RIOK3: variants seen among roughly 807,000 people sequenced by gnomAD.
RIOK3 encodes serine/threonine-protein kinase RIO3.
A neutral mutation model predicts 63.5 loss-of-function variants in RIOK3; 40 were observed. The ratio of observed to expected loss-of-function variants is 0.63; its 90% CI spans 0.49 to 0.82. The LOEUF is 0.82. RIOK3 is among the 40% of genes least tolerant of loss of function. RIOK3 has a pLI of 0.00. For synonymous variants in RIOK3, 193 were observed against 205.0 expected, an observed-to-expected ratio of 0.94 and a Z score of 0.50; for missense variants, 557 against 637.0, an observed-to-expected ratio of 0.87 and a Z score of 1.35.
chr18:23,453,532 C>T (rs993592932), intron 1 of RIOK3, 30 bp downstream of exon 1: 1 of 1,559,370 alleles, frequency 6.4e-7, no homozygotes, highest in African/African-American at 1.4e-5. Flanking sequence ...GGAGTACTAG[C>T]CTTGGTCACA....
chr18:23,472,570 A>G (rs1301802237), intron 7 of RIOK3, among the ~76,000 whole-genome samples: 1 of 152,154 alleles, frequency 6.6e-6, no homozygotes, highest in East Asian at 1.9e-4. Flanking sequence ...GGACTATTGC[A>G]GTAGCATCCT....
At chr18:23,467,313 TC>T in intron 6 of RIOK3, 85 bp from the exon 7 acceptor site, 1 of 1,246,756 alleles carries the variant, frequency 8.0e-7, no homozygotes. Context: ...AGACTCCGTC[TC>T]AAAAAAAAAA....
At chr18:23,458,630 G>C (rs1374099967) in intron 1 of RIOK3, among the ~76,000 whole-genome samples, 1 of 152,212 alleles carries the variant, frequency 6.6e-6, no homozygotes, top group Admixed American at 6.5e-5. Flanking sequence ...GCAAGATTAT[G>C]GAGGGCGTTT....
chr18:23,478,145 C>T (rs909322822), intron 11 of RIOK3, among the ~76,000 whole-genome samples: 1 of 151,526 alleles, frequency 6.6e-6, no homozygotes, highest in Non-Finnish European at 1.5e-5. Context: ...GTCGAGTAGA[C>T]ATTTAATGTG....
At chr18:23,480,561 A>G (rs1010908546) in intron 12 of RIOK3, among the ~76,000 whole-genome samples, 8 of 133,008 alleles carry the variant, frequency 6.0e-5, no homozygotes, top group East Asian at 2.0e-4. Context: ...GCACGCACAC[A>G]CACACACACA....
At chr18:23,467,625 G>A in intron 7 of RIOK3, 99 bp downstream of exon 7, 1 of 1,191,908 alleles carries the variant, frequency 8.4e-7, no homozygotes, top group Non-Finnish European at 1.2e-6. Flanking sequence ...TGCATGGCAA[G>A]CAGAGTAATT....
rs573249636 is a variant in RIOK3 at position 23,474,270 on chromosome 18, G to A, written c.1013+644G>A. ...AATAAGCCAGGCATGGTGTGCACGTGTACTCCCAGCTACTTGGGAGGCTGA... is the reference window on the plus strand; with the variant it reads ...AATAAGCCAGGCATGGTGTGCACGTATACTCCCAGCTACTTGGGAGGCTGA... On this transcript the variant is annotated intron_variant, in intron 8 of 12. Transcript: ENST00000339486. Among the ~76,000 whole-genome samples the A allele has an allele frequency of 4.6e-5, 7 of 152,158 alleles. 1 individual carries two copies. In the East Asian group the frequency reaches 1.2e-3, roughly 25 times the overall value.
At chr18:23,476,954 A>G in intron 9 of RIOK3, 52 bp from the exon 10 acceptor site, 1 of 1,481,968 alleles carries the variant, frequency 6.7e-7, no homozygotes, top group South Asian at 1.1e-5. Flanking sequence ...TGTCATCATC[A>G]ATAATACCAC....
chr18:23,459,037 T>C (rs182710801), intron 1 of RIOK3, among the ~76,000 whole-genome samples: 2 of 152,118 alleles, frequency 1.3e-5, no homozygotes, highest in Admixed American at 1.3e-4. Flanking sequence ...TCAGTAGGAG[T>C]GGACAGCAAG....
chr18:23,470,111 AAG>A (rs2057446042), intron 7 of RIOK3, among the ~76,000 whole-genome samples: 1 of 152,132 alleles, frequency 6.6e-6, no homozygotes, highest in Admixed American at 6.6e-5. Flanking sequence ...AGGTTAAAAA[AAG>A]AAATCCGTTG....
chr18:23,459,735 A>G (rs2057362486), intron 1 of RIOK3, among the ~76,000 whole-genome samples: 1 of 152,134 alleles, frequency 6.6e-6, no homozygotes, highest in East Asian at 1.9e-4. Context: ...AAGTGGCGCA[A>G]TCTTGGCTCA....
chr18:23,453,653 C>G, intron 1 of RIOK3, 151 bp downstream of exon 1: 4 of 704,786 alleles, frequency 5.7e-6, no homozygotes, highest in South Asian at 1.6e-5. Context: ...GCGGGGGTGC[C>G]GGGATGGGGA....
At chr18:23,471,596 C>T (rs1225817435) in intron 7 of RIOK3, among the ~76,000 whole-genome samples, 2 of 152,068 alleles carry the variant, frequency 1.3e-5, no homozygotes, top group African/African-American at 4.8e-5. Flanking sequence ...TCAGTTAAAA[C>T]GTTGTAGTAG....
At chr18:23,459,892 C>G (rs979493098) in intron 1 of RIOK3, among the ~76,000 whole-genome samples, 1 of 152,138 alleles carries the variant, frequency 6.6e-6, no homozygotes, top group Non-Finnish European at 1.5e-5. Context: ...TGGGGTTTCT[C>G]CATGTTGACC....
intron 7 of RIOK3, among the ~76,000 whole-genome samples, chr18:23,469,371 CT>C (rs1427776248): frequency 2.5e-4 from 1 of 4,068 alleles, no homozygotes; most frequent in Non-Finnish European, 4.5e-4. Context: ...CCCTCCCTCC[CT>C]CCCTCCCCTC....
chr18:23,468,964 A>G (rs2057429008), intron 7 of RIOK3, among the ~76,000 whole-genome samples: 2 of 152,150 alleles, frequency 1.3e-5, no homozygotes, highest in African/African-American at 4.8e-5. Flanking sequence ...AGTTGCAGCT[A>G]TACGACTGAG....
chr18:23,458,869 T>A (rs1017654119), intron 1 of RIOK3, among the ~76,000 whole-genome samples: 6 of 152,170 alleles, frequency 3.9e-5, no homozygotes, highest in Non-Finnish European at 8.8e-5. Context: ...ATGGAGGGCT[T>A]TTAATTGTTG....
intron 10 of RIOK3, 46 bp from the exon 11 acceptor site, chr18:23,477,133 A>C (rs775531061): frequency 1.2e-6 from 2 of 1,611,744 alleles, no homozygotes; most frequent in Admixed American, 3.3e-5. Flanking sequence ...ACTGTAAGTA[A>C]AATTTAAAAT....
chr18:23,465,393 G>A (rs2057400205), intron 5 of RIOK3, among the ~76,000 whole-genome samples: 2 of 151,934 alleles, frequency 1.3e-5, no homozygotes, highest in South Asian at 2.1e-4. Context: ...CAAAAAAAAA[G>A]CATTCTAAAT....
Sources: allele counts gnomAD v4.1 joint callset (sites outside exome capture counted in the v4.1 genomes callset), GRCh38; gene constraint gnomAD v4.1.1; transcripts MANE v1.5; gene names NCBI Gene and HGNC (gene_info 2026-07-23, HGNC 2026-07-21).